Variants in FANK1 observed in about 807,000 individuals in gnomAD.
The protein encoded by FANK1 is fibronectin type 3 and ankyrin repeat domains protein 1.
A neutral mutation model predicts 45.3 loss-of-function variants in FANK1; 44 were observed. The ratio of observed to expected loss-of-function variants is 0.97; its 90% CI spans 0.76 to 1.25. FANK1 has a LOEUF of 1.25. FANK1 is among the 50% of genes most tolerant of loss of function. FANK1 has a pLI of 0.00. For synonymous variants in FANK1, 149 were observed against 152.5 expected (o/e 0.98, Z 0.17); for missense variants, 391 against 424.4 (o/e 0.92, Z 0.69).
At chr10:125,916,695 C>CA (rs1946475866) in intron 1 of FANK1, among the ~76,000 whole-genome samples, 1 of 152,152 alleles carries the variant, frequency 6.6e-6, no homozygotes. Flanking sequence ...ACCTGGAAGA[C>CA]ATTATGCCAA....
chr10:125,906,794 T>C (rs1033326239), intron 1 of FANK1, among the ~76,000 whole-genome samples: 20 of 152,332 alleles, frequency 1.3e-4, no homozygotes, highest in Admixed American at 3.9e-4. Context: ...ACTGAACCAG[T>C]CCCAGCCATC....
intron 1 of FANK1, among the ~76,000 whole-genome samples, chr10:125,956,813 A>T (rs1458996508): frequency 6.6e-6 from 1 of 152,300 alleles, no homozygotes; most frequent in South Asian, 2.1e-4. Context: ...CGTAAAACTC[A>T]TTATAGATTT....
intron 1 of FANK1, among the ~76,000 whole-genome samples, chr10:125,943,105 C>T (rs1948560249): frequency 6.6e-6 from 1 of 152,108 alleles, no homozygotes; most frequent in Non-Finnish European, 1.5e-5. Context: ...AGCCACTGTG[C>T]CCAGACTATA....
At chr10:125,994,257 G>A in intron 3 of FANK1, 1 of 415,478 alleles carries the variant, frequency 2.4e-6, no homozygotes, top group Non-Finnish European at 3.2e-6. Flanking sequence ...TTCTTTCAGG[G>A]TTTAGAATAA....
intron 1 of FANK1, among the ~76,000 whole-genome samples, chr10:125,927,748 G>A (rs76052712): frequency 6.6e-6 from 1 of 151,996 alleles, no homozygotes; most frequent in Non-Finnish European, 1.5e-5. Flanking sequence ...GTTTTGCCAC[G>A]TTGGCCGGGC....
chr10:125,916,574 C>CT (rs1946464559), intron 1 of FANK1, among the ~76,000 whole-genome samples: 1 of 151,996 alleles, frequency 6.6e-6, no homozygotes, highest in African/African-American at 2.4e-5. Context: ...AGCCAAGTGT[C>CT]TATCTGCAAA....
At chr10:125,946,119 A>C (rs1948780059) in intron 1 of FANK1, among the ~76,000 whole-genome samples, 1 of 152,172 alleles carries the variant, frequency 6.6e-6, no homozygotes, top group Non-Finnish European at 1.5e-5. Flanking sequence ...CATCACCATC[A>C]TCAAAGACCA....
intron 1 of FANK1, among the ~76,000 whole-genome samples, chr10:125,967,065 A>G (rs1378934830): frequency 2.0e-5 from 3 of 152,254 alleles, no homozygotes; most frequent in African/African-American, 7.2e-5. Context: ...TTGTATATAA[A>G]TAATGTACCA....
At chr10:125,982,639 T>C (rs1211805831) in intron 2 of FANK1, among the ~76,000 whole-genome samples, 3 of 152,244 alleles carry the variant, frequency 2.0e-5, no homozygotes, top group Admixed American at 2.0e-4. Flanking sequence ...GGATTGTGGA[T>C]TTAAGAACTT....
At chr10:125,929,639 G>A (rs1412321207) in intron 1 of FANK1, among the ~76,000 whole-genome samples, 1 of 152,264 alleles carries the variant, frequency 6.6e-6, no homozygotes, top group East Asian at 1.9e-4. Flanking sequence ...CTATCTGGAA[G>A]GGATTTTTAT....
rs1437946736 is a variant in FANK1, at chr10:126,009,276, C to T, written c.972+10C>T. ...AGTTTTTGACAGACAGGTTGGGATG[C>T]TCTTTCTGCCTATCAAGGCTAATTT... is the stretch of plus-strand genomic sequence containing the variant. On this transcript the variant is annotated intron_variant, in intron 10 of 10. Transcript: ENST00000368693. 1.9e-6 allele frequency: 3 copies of T among 1,614,064 alleles called. No individual in the cohort carries two copies. Among genetic ancestry groups the T allele is most frequent in the Non-Finnish European group, 2.5e-6 (3 of 1,180,032 alleles).
intron 1 of FANK1, among the ~76,000 whole-genome samples, chr10:125,917,748 A>G (rs1487833533): frequency 6.6e-6 from 1 of 152,292 alleles, no homozygotes; most frequent in Non-Finnish European, 1.5e-5. Context: ...ATATGATTCC[A>G]CTTATATGAG....
intron 3 of FANK1, chr10:125,995,032 TC>T: frequency 1.2e-6 from 1 of 824,118 alleles, no homozygotes; most frequent in Non-Finnish European, 1.5e-6. Context: ...TTTTTTTTTT[TC>T]CAAGTAGTTT....
At chr10:125,898,019 A>AAAAGC (rs1554902604) in intron 1 of FANK1, among the ~76,000 whole-genome samples, 1 of 83,438 alleles carries the variant, frequency 1.2e-5, no homozygotes, top group Non-Finnish European at 2.7e-5. Flanking sequence ...AAAAAAAAAA[A>AAAAGC]AAAAAAAAAA....
At chr10:125,989,820 G>A (rs1193262216) in intron 3 of FANK1, among the ~76,000 whole-genome samples, 1 of 152,230 alleles carries the variant, frequency 6.6e-6, no homozygotes, top group Non-Finnish European at 1.5e-5. Context: ...AAGGAAGGCA[G>A]AGGGCATTGC....
Position 125,996,496 on chromosome 10 carries a change from A to G in FANK1, c.399-54A>G, listed in dbSNP as rs113864142. On this transcript the variant is annotated intron_variant, in intron 4 of 10. Coordinates refer to ENST00000368693, the MANE Select transcript of FANK1 (RefSeq NM_145235.5). The stretch of plus-strand genomic sequence containing the variant: ...AGCCCTGTGAGAACCACCGGCTTTG[A>G]CTCTGCAGTAGCTGTACTGAGCATG... 9.0e-4 allele frequency: 1,406 copies of G among 1,557,076 alleles called. 14 individuals carry two copies. In the African/African-American group the frequency reaches 0.017, roughly 18 times the overall value.
rs562751494 is a variant in FANK1 at position 125,912,616 on chromosome 10, T to C, written c.13+15961T>C. Among the ~76,000 whole-genome samples the C allele has an allele frequency of 4.6e-5, 7 of 152,268 alleles. No individual in the cohort carries two copies. In the South Asian group the frequency reaches 6.2e-4, roughly 14 times the overall value. On this transcript the variant is annotated intron_variant, in intron 1 of 10. Transcript: ENST00000368693. ...TTAAAATATTCAATCATCTACTTAA[T>C]ATATAGTGCTTACCTTTGTTTTTAT...
intron 4 of FANK1, 172 bp downstream of exon 4, chr10:125,995,670 C>T (rs1270720833): frequency 1.2e-5 from 7 of 593,462 alleles, no homozygotes; most frequent in Non-Finnish European, 1.5e-5. Context: ...TAAAGATGCT[C>T]ATGAAGCCCC....
intron 1 of FANK1, among the ~76,000 whole-genome samples, chr10:125,919,869 C>T (rs982092946): frequency 2.0e-4 from 31 of 152,220 alleles, no homozygotes; most frequent in Admixed American, 4.6e-4. Flanking sequence ...CCTGATTCCT[C>T]GTTTCACCAA....
Sources: allele counts gnomAD v4.1 joint callset (sites outside exome capture counted in the v4.1 genomes callset), GRCh38; gene constraint gnomAD v4.1.1; transcripts MANE v1.5; gene names NCBI Gene and HGNC (gene_info 2026-07-23, HGNC 2026-07-21).